RBFOX1: variants seen among roughly 807,000 people sequenced by gnomAD.
RBFOX1 encodes the protein RNA binding fox-1 homolog 1, also known as RNA binding protein fox-1 homolog 1.
Under a neutral mutation model 57.7 loss-of-function variants are expected in RBFOX1, and 8 were observed. That is an observed-to-expected ratio of 0.14 (90% CI 0.08 to 0.25). RBFOX1 has a LOEUF of 0.25. Among genes scored for constraint, RBFOX1 ranks in the 10% least tolerant of loss-of-function variants. The pLI, the probability that RBFOX1 is intolerant of heterozygous loss-of-function variation, is 1.00. For synonymous variants in RBFOX1, 326 were observed against 222.4 expected (o/e 1.47, Z -4.15); for missense variants, 611 against 548.5 (o/e 1.11, Z -1.14).
chr16:6,033,719 A>C (rs528251648), intron 1 of RBFOX1, among the ~76,000 whole-genome samples: 1 of 152,056 alleles, frequency 6.6e-6, no homozygotes, highest in Non-Finnish European at 1.5e-5. Flanking sequence ...TGTTGTTTCC[A>C]TTTTTGAAGC....
chr16:7,488,578 T>G (rs1306378083), intron 4 of RBFOX1, among the ~76,000 whole-genome samples: 3 of 152,082 alleles, frequency 2.0e-5, no homozygotes, highest in Non-Finnish European at 4.4e-5. Flanking sequence ...TGTTTATCCA[T>G]TCTGACATCG....
chr16:7,078,686 A>AT (rs141609189), intron 4 of RBFOX1, among the ~76,000 whole-genome samples: 2,377 of 135,538 alleles, frequency 0.018, 65 homozygotes, highest in East Asian at 0.076. Flanking sequence ...TATTTATTTT[A>AT]TTTTATTTTT....
chr16:7,519,520 T>C (rs893201724), intron 5 of RBFOX1: 1 of 189,190 alleles, frequency 5.3e-6, no homozygotes, highest in African/African-American at 2.4e-5. Context: ...AACTGGTGTT[T>C]TGATCATTAA....
intron 3 of RBFOX1, among the ~76,000 whole-genome samples, chr16:6,971,360 A>G (rs754382399): frequency 1.2e-4 from 19 of 152,100 alleles, no homozygotes; most frequent in Non-Finnish European, 2.1e-4. Flanking sequence ...GCAGGAACAG[A>G]TGACTCAGCC....
At chr16:6,561,473 CTGT>C (rs1312197415) in intron 2 of RBFOX1, among the ~76,000 whole-genome samples, 1 of 152,128 alleles carries the variant, frequency 6.6e-6, no homozygotes, top group Non-Finnish European at 1.5e-5. Context: ...GAAACCTTCC[CTGT>C]TGTTAGTCTA....
chr16:5,400,437 G>A (rs1337228477), intron 1 of RBFOX1, among the ~76,000 whole-genome samples: 2 of 151,988 alleles, frequency 1.3e-5, no homozygotes. Context: ...ATTCTTTAAA[G>A]CATAAATACT....
intron 1 of RBFOX1, among the ~76,000 whole-genome samples, chr16:6,234,800 G>A (rs557948192): frequency 7.3e-5 from 11 of 150,332 alleles, no homozygotes; most frequent in Admixed American, 5.4e-4. Flanking sequence ...CCACACATAC[G>A]CATGAACTAC....
At chr16:5,275,275 A>T (rs144697941) in intron 1 of RBFOX1, among the ~76,000 whole-genome samples, 2,820 of 152,310 alleles carry the variant, frequency 0.019, 45 homozygotes, top group Middle Eastern at 0.065. Flanking sequence ...TGATCACCTC[A>T]AACATTGATC....
At chr16:6,574,166 T>C (rs2097387887) in intron 2 of RBFOX1, among the ~76,000 whole-genome samples, 1 of 152,156 alleles carries the variant, frequency 6.6e-6, no homozygotes, top group Admixed American at 6.5e-5. Context: ...CGATATATTA[T>C]TGGTGGGACC....
At chr16:7,288,170 G>C (rs2095687792) in intron 4 of RBFOX1, among the ~76,000 whole-genome samples, 1 of 152,096 alleles carries the variant, frequency 6.6e-6, no homozygotes, top group African/African-American at 2.4e-5. Context: ...AGCACCCTGG[G>C]GAAGCGGCAC....
chr16:7,283,871 A>G (rs1023563158), intron 4 of RBFOX1, among the ~76,000 whole-genome samples: 2 of 152,310 alleles, frequency 1.3e-5, no homozygotes, highest in African/African-American at 2.4e-5. Flanking sequence ...ACAGTGATGT[A>G]ATAACCACCA....
chr16:6,018,913 C>T (rs916145050), upstream of RBFOX1, among the ~76,000 whole-genome samples: 1 of 151,936 alleles, frequency 6.6e-6, no homozygotes, highest in Non-Finnish European at 1.5e-5. Context: ...GACCAGGGTA[C>T]CGGGTCGCGT....
intron 3 of RBFOX1, among the ~76,000 whole-genome samples, chr16:6,952,074 G>A (rs762808607): frequency 1.3e-5 from 2 of 152,172 alleles, no homozygotes; most frequent in African/African-American, 4.8e-5. Flanking sequence ...TCAGATACAT[G>A]TACCTTTATC....
chr16:6,116,267 C>A (rs1260031175), intron 1 of RBFOX1, among the ~76,000 whole-genome samples: 7 of 147,356 alleles, frequency 4.8e-5, no homozygotes, highest in African/African-American at 1.8e-4. Context: ...CAGGGCCTGT[C>A]AGGGGGTGGG....
At chr16:5,855,055 C>T (rs958577480) in intron 3 of RBFOX1, among the ~76,000 whole-genome samples, 3 of 152,068 alleles carry the variant, frequency 2.0e-5, no homozygotes, top group Admixed American at 6.6e-5. Flanking sequence ...ATCCTTTGTT[C>T]GTTTTGTAAT....
intron 3 of RBFOX1, among the ~76,000 whole-genome samples, chr16:6,719,269 G>T (rs189313121): frequency 3.3e-5 from 5 of 151,670 alleles, no homozygotes; most frequent in Admixed American, 3.3e-4. Flanking sequence ...GAAATACTAG[G>T]ATTCAATATT....
intron 1 of RBFOX1, among the ~76,000 whole-genome samples, chr16:5,369,269 T>G (rs2065801543): frequency 1.3e-5 from 2 of 152,244 alleles, no homozygotes; most frequent in South Asian, 4.1e-4. Flanking sequence ...CCCAAAGTGC[T>G]GAGATTACAG....
At chr16:6,930,827 C>G (rs965651640) in intron 3 of RBFOX1, among the ~76,000 whole-genome samples, 2 of 152,136 alleles carry the variant, frequency 1.3e-5, no homozygotes, top group African/African-American at 4.8e-5. Context: ...CAAATGTCAT[C>G]TTGTAAGAGA....
At chr16:7,332,310 T>C (rs1197279040) in intron 4 of RBFOX1, among the ~76,000 whole-genome samples, 1 of 152,236 alleles carries the variant, frequency 6.6e-6, no homozygotes, top group Non-Finnish European at 1.5e-5. Context: ...ATAACACGTG[T>C]AAATAATTTA....
Sources: allele counts gnomAD v4.1 joint callset (sites outside exome capture counted in the v4.1 genomes callset), GRCh38; gene constraint gnomAD v4.1.1; transcripts MANE v1.5; gene names NCBI Gene and HGNC (gene_info 2026-07-23, HGNC 2026-07-21).